SC5D: variants seen among roughly 807,000 people sequenced by gnomAD.
The protein encoded by SC5D is lathosterol oxidase.
A neutral mutation model predicts 23.9 loss-of-function variants in SC5D; 21 were observed. The ratio of observed to expected loss-of-function variants is 0.88; its 90% CI spans 0.62 to 1.26. The LOEUF is 1.26. SC5D is among the 50% of genes most tolerant of loss of function. SC5D has a pLI of 0.00. For missense variants in SC5D, 309 were observed against 364.8 expected (o/e 0.85, Z 1.25); for synonymous variants, 113 against 125.9 (o/e 0.90, Z 0.68).
At position 121,309,144 on chromosome 11, in the gene SC5D, T is replaced by C. The variant is rs1287441138; in HGVS notation, c.*1632T>C. Among the ~76,000 whole-genome samples, 1 of 152,252 alleles carries C rather than the reference T, an allele frequency of 6.6e-6. No individual in the cohort carries two copies. Among genetic ancestry groups the C allele is most frequent in the African/African-American group, 2.4e-5 (1 of 41,462 alleles). On this transcript the variant is annotated 3_prime_UTR_variant, in exon 5 of 5. Transcript: ENST00000264027. Reference sequence around the variant, plus strand: ...CCAGGTTTATTTCTCTCTCATATGATGTCCCATGTGGATGTTTGTGGTCAG... The same window carrying C: ...CCAGGTTTATTTCTCTCTCATATGACGTCCCATGTGGATGTTTGTGGTCAG...
rs1400604192 is a variant in SC5D at position 121,305,706 on chromosome 11, G to A, written c.344-680G>A. On this transcript the variant is annotated intron_variant, in intron 3 of 4. Transcript: ENST00000264027. ...AGCCTGGGCGACAGAGCGAGACTCC[G>A]TCTCAAAAAAAAAAAAGAAAAAAAA... 24 of 148,668 alleles carry A rather than the reference G, an allele frequency of 1.6e-4. 1 individual carries two copies. Among genetic ancestry groups the A allele is most frequent in the South Asian group, 1.5e-3 (7 of 4,718 alleles). The allele number at this position is 148,668 out of a possible 1,614,324, so 9.2% of individuals were successfully genotyped here. A position where few individuals can be genotyped will look rare whatever the true frequency, so the allele number is the denominator to read the frequency against.
At position 121,306,444 on chromosome 11, in the gene SC5D, C is replaced by T; in HGVS notation, c.402C>T (p.Ile134=). Residue 134 remains isoleucine, a synonymous_variant, in exon 4 of 5, where the codon ATC becomes ATT. Transcript: ENST00000264027. ...ISFLFFTDMF[I]YWIHRGLHHR... is the part of the protein sequence containing the mutation. ...TCCTCTTTTTCACTGACATGTTCAT[C>T]TACTGGATTCACAGAGGCCTTCATC... is the stretch of plus-strand genomic sequence containing the variant. 1 of 1,587,412 alleles carries T rather than the reference C, an allele frequency of 6.3e-7. No homozygotes were observed. The highest frequency in any genetic ancestry group is 8.7e-7 in the Non-Finnish European group (1 of 1,155,758).
At chr11:121,303,276 T>A in intron 1 of SC5D, 90 bp from the exon 2 acceptor site, 1 of 954,424 alleles carries the variant, frequency 1.0e-6, no homozygotes, top group Admixed American at 1.7e-5. Flanking sequence ...TGTTCTTAAA[T>A]CAGGAACTTG....
rs1442532373 is a variant in SC5D at position 121,312,863 on chromosome 11, G to T, written c.*5351G>T. Among the ~76,000 whole-genome samples, 1 of 152,072 alleles carries T rather than the reference G, an allele frequency of 6.6e-6. No homozygotes were observed. On this transcript the variant is annotated 3_prime_UTR_variant, in exon 5 of 5. Transcript: ENST00000264027. ...GTGGTATGAAACAAATAGAAACCTAGAAATTTAGTGCATATTCAAATATTA... is the reference window on the plus strand; with the variant it reads ...GTGGTATGAAACAAATAGAAACCTATAAATTTAGTGCATATTCAAATATTA...
At chr11:121,301,075 A>G (rs1028069896) in intron 1 of SC5D, among the ~76,000 whole-genome samples, 123 of 152,344 alleles carry the variant, frequency 8.1e-4, no homozygotes, top group African/African-American at 2.9e-3. Flanking sequence ...CCCATTTTCC[A>G]TAAAAAATTA....
chr11:121,301,522 T>G (rs1947925834), intron 1 of SC5D, among the ~76,000 whole-genome samples: 1 of 151,412 alleles, frequency 6.6e-6, no homozygotes, highest in South Asian at 2.1e-4. Flanking sequence ...ATAATGAGAG[T>G]CCTAAAAGGA....
Position 121,303,388 on chromosome 11 carries a change from C to G in SC5D, c.13C>G (p.Leu5Val). Residue 5 changes from leucine to valine, a missense_variant, in exon 2 of 5, where the codon CTC (leucine) becomes GTC (valine). Leu to Val is a conservative substitution (Grantham distance 32, BLOSUM62 1). Transcript: ENST00000264027. ...TAGGGGCTAAGTGATGGATCTTGTA[C>G]TCCGTGTTGCAGATTACTATTTTTT... MDLVLRVADYYFFTP... is the reference protein window; with the variant it reads MDLVVRVADYYFFTP... 1.9e-6 allele frequency: 3 copies of G among 1,613,846 alleles called. No individual in the cohort carries two copies. Among genetic ancestry groups the G allele is most frequent in the Non-Finnish European group, 2.5e-6 (3 of 1,179,784 alleles).
At chr11:121,295,161 A>C (rs1315573740) in intron 1 of SC5D, among the ~76,000 whole-genome samples, 1 of 152,174 alleles carries the variant, frequency 6.6e-6, no homozygotes, top group African/African-American at 2.4e-5. Flanking sequence ...TCAATTTAGG[A>C]AGTTTATTTT....
chr11:121,299,508 A>C (rs1947912055), intron 1 of SC5D, among the ~76,000 whole-genome samples: 1 of 152,270 alleles, frequency 6.6e-6, no homozygotes, highest in African/African-American at 2.4e-5. Context: ...ACATAATTAC[A>C]TAAATTGTTA....
chr11:121,302,752 A>G (rs978597988), intron 1 of SC5D, among the ~76,000 whole-genome samples: 4 of 152,200 alleles, frequency 2.6e-5, no homozygotes, highest in Non-Finnish European at 5.9e-5. Context: ...GATCTGGAAT[A>G]TTGATTAGAG....
intron 1 of SC5D, among the ~76,000 whole-genome samples, chr11:121,293,888 G>A (rs1947870340): frequency 6.6e-6 from 1 of 152,166 alleles, no homozygotes; most frequent in South Asian, 2.1e-4. Context: ...GTTGTGGAAT[G>A]TACATCCCAG....
intron 1 of SC5D, 74 bp from the exon 2 acceptor site, chr11:121,303,292 T>G (rs1014513138): frequency 4.0e-5 from 45 of 1,123,574 alleles, no homozygotes; most frequent in Non-Finnish European, 5.6e-5. Context: ...ACTTGAGATA[T>G]AGTGTTTCTG....
At chr11:121,303,148 T>G (rs903845512) in intron 1 of SC5D, among the ~76,000 whole-genome samples, 1 of 152,208 alleles carries the variant, frequency 6.6e-6, no homozygotes, top group Non-Finnish European at 1.5e-5. Flanking sequence ...CTAACTGAGC[T>G]TTAGCATCCC....
rs879130512 is a variant in SC5D, at chr11:121,306,749, A to G, written c.444+263A>G. 1.9e-5 allele frequency: 12 copies of G among 621,316 alleles called. No individual in the cohort carries two copies. The South Asian group carries it at 2.0e-4, about 11-fold the overall frequency. 38.5% of individuals were successfully genotyped at this position (621,316 alleles called of 1,614,324 possible). A position where few individuals can be genotyped will look rare whatever the true frequency, so the allele number is the denominator to read the frequency against. On this transcript the variant is annotated intron_variant, in intron 4 of 4. Coordinates refer to ENST00000264027, the MANE Select transcript of SC5D (RefSeq NM_006918.5). ...GACATTAGAGACTCCAGAAGGTGGG[A>G]GGATGGGAGAGGAGTGAGGGATGAG...
Position 121,304,428 on chromosome 11 carries a change from C to G in SC5D, c.278C>G (p.Ala93Gly). 1 of 1,612,356 alleles carries G rather than the reference C, an allele frequency of 6.2e-7. No homozygotes were observed. The highest frequency in any genetic ancestry group is 8.5e-7 in the Non-Finnish European group (1 of 1,178,516). Residue 93 changes from alanine to glycine, a missense_variant, in exon 3 of 5, where the codon GCA (alanine) becomes GGA (glycine). Coordinates refer to ENST00000264027, the MANE Select transcript of SC5D (RefSeq NM_006918.5). ...ALPWISILTVALFLLEIRGYS... is the reference protein window; with the variant it reads ...ALPWISILTVGLFLLEIRGYS... The stretch of plus-strand genomic sequence containing the variant: ...CCATGGATAAGTATTCTTACTGTTG[C>G]ACTGTTCTTGCTGGAGATAAGAGGT...
intron 2 of SC5D, 169 bp downstream of exon 2, chr11:121,303,754 C>T (rs1947942687): frequency 1.2e-5 from 7 of 600,534 alleles, no homozygotes; most frequent in Non-Finnish European, 1.5e-5. Flanking sequence ...TGCTCTCCTT[C>T]CCTTAGTTTA....
rs372543290 is a variant in SC5D, at chr11:121,307,561, G to A, written c.*49G>A. On this transcript the variant is annotated 3_prime_UTR_variant, in exon 5 of 5. Coordinates refer to ENST00000264027, the MANE Select transcript of SC5D (RefSeq NM_006918.5). Reference sequence around the variant, plus strand: ...TAAGGACAAAGAAGGAAATATCATCGTATTTCTTTTTTTTAATAAGGAAAA... The same window carrying A: ...TAAGGACAAAGAAGGAAATATCATCATATTTCTTTTTTTTAATAAGGAAAA... 1.9e-5 allele frequency: 24 copies of A among 1,278,058 alleles called. No individual in the cohort carries two copies. Among genetic ancestry groups the A allele is most frequent in the Middle Eastern group, 1.9e-4 (1 of 5,168 alleles). The allele number at this position is 1,278,058 out of a possible 1,614,324, so 79.2% of individuals were successfully genotyped here.
At chr11:121,304,272 A>T (rs1591504363) in intron 2 of SC5D, 89 bp from the exon 3 acceptor site, 1 of 1,243,170 alleles carries the variant, frequency 8.0e-7, no homozygotes, top group Non-Finnish European at 1.2e-6. Context: ...TGTAAAAGAG[A>T]TTTTAAAAAT....
chr11:121,306,964 T>G, intron 4 of SC5D, 93 bp from the exon 5 acceptor site: 1 of 1,041,736 alleles, frequency 9.6e-7, no homozygotes, highest in Non-Finnish European at 1.5e-6. Flanking sequence ...CTACAGGATT[T>G]GTTAGGTTGT....
Sources: gnomAD v4.1 joint callset for allele counts (sites outside exome capture counted in the v4.1 genomes callset) on GRCh38, gnomAD v4.1.1 for gene constraint, MANE v1.5 for transcripts, NCBI Gene and HGNC (gene_info 2026-07-23, HGNC 2026-07-21) for gene names.